RNF216: variants seen among roughly 807,000 people sequenced by gnomAD.
The protein encoded by RNF216 is ring finger protein 216.
A neutral mutation model predicts 110.8 loss-of-function variants in RNF216; 72 were observed. The ratio of observed to expected loss-of-function variants is 0.65; its 90% CI spans 0.54 to 0.79. The LOEUF is 0.79. Ranked by LOEUF, RNF216 falls within the 30% of genes least tolerant of loss-of-function variation. The pLI, the probability that RNF216 is intolerant of heterozygous loss-of-function variation, is 0.00. For missense variants in RNF216, 1,342 were observed against 1,141.2 expected (o/e 1.18, Z -2.54); for synonymous variants, 495 against 407.5 (o/e 1.21, Z -2.59).
chr7:5,674,722 A>G lies in RNF216; in HGVS notation c.2062-22212T>C, dbSNP rs142965082. 2.3e-4 allele frequency among the ~76,000 whole-genome samples: 35 copies of G among 152,288 alleles called. 1 individual carries two copies. In the East Asian group the frequency reaches 6.6e-3, roughly 29 times the overall value. ...ACACTCACTCATTTATAGTTGTGCAAAGCGGGGGGTCTTTAAAGCAAATGT... is the reference window on the plus strand; with the variant it reads ...ACACTCACTCATTTATAGTTGTGCAGAGCGGGGGGTCTTTAAAGCAAATGT... On this transcript the variant is annotated intron_variant, in intron 13 of 16. Transcript: ENST00000389902.
chr7:5,737,008 C>T (rs529007533), intron 5 of RNF216, among the ~76,000 whole-genome samples: 1 of 152,362 alleles, frequency 6.6e-6, no homozygotes, highest in South Asian at 2.1e-4. Context: ...CGGCCGCCAC[C>T]CCGTCTGGGA....
chr7:5,755,221 G>T (rs1333010500), intron 2 of RNF216, among the ~76,000 whole-genome samples: 1 of 97,562 alleles, frequency 1.0e-5, no homozygotes, highest in Non-Finnish European at 2.1e-5. Context: ...AAGAAAGGAA[G>T]GAAGGGAGGG....
intron 13 of RNF216, among the ~76,000 whole-genome samples, chr7:5,701,286 A>G (rs1791952403): frequency 6.6e-6 from 1 of 152,208 alleles, no homozygotes; most frequent in Non-Finnish European, 1.5e-5. Context: ...GGTAGAAATG[A>G]GTTGAGTGGT....
At chr7:5,745,903 A>AAG (rs1356993441) in intron 3 of RNF216, among the ~76,000 whole-genome samples, 1 of 151,452 alleles carries the variant, frequency 6.6e-6, no homozygotes, top group East Asian at 1.9e-4. Flanking sequence ...TAAAAAAAAA[A>AAG]AAAAAAAAAG....
intron 13 of RNF216, among the ~76,000 whole-genome samples, chr7:5,675,899 G>C (rs1418831591): frequency 1.3e-5 from 2 of 151,964 alleles, no homozygotes; most frequent in African/African-American, 2.4e-5. Context: ...AGTAGAGACG[G>C]GGTTTCTCTA....
At position 5,624,217 on chromosome 7, in the gene RNF216, C is replaced by A. The variant is rs955213992; in HGVS notation, c.2383-92G>T. On this transcript the variant is annotated intron_variant, in intron 15 of 16. Transcript: ENST00000389902. The surrounding 1 kb of genome is among the most constrained non-coding windows in gnomAD (Gnocchi z 4.4). ...TGAGGAGGCCGCTTGTTGCTTATGG[C>A]CATGGAACAAGCCCGAAGCCTGCTG... 31 of 1,073,512 alleles carry A rather than the reference C, an allele frequency of 2.9e-5. No individual in the cohort carries two copies. Among genetic ancestry groups the A allele is most frequent in the Admixed American group, 1.8e-4 (9 of 49,746 alleles). 66.5% of individuals were successfully genotyped at this position (1,073,512 alleles called of 1,614,324 possible).
At chr7:5,729,389 T>C (rs368607128) in intron 7 of RNF216, 43 bp downstream of exon 7, 239 of 1,585,836 alleles carry the variant, frequency 1.5e-4, no homozygotes, top group Non-Finnish European at 1.8e-4. Context: ...TGGGAAGATG[T>C]AGTCAAGAGG....
intron 13 of RNF216, among the ~76,000 whole-genome samples, chr7:5,682,074 C>T (rs1005642845): frequency 6.6e-6 from 1 of 152,228 alleles, no homozygotes; most frequent in Non-Finnish European, 1.5e-5. Context: ...TGGAGAAATG[C>T]TTGCAGACCT....
At chr7:5,777,064 C>A (rs1461595866) in intron 1 of RNF216, among the ~76,000 whole-genome samples, 1 of 152,088 alleles carries the variant, frequency 6.6e-6, no homozygotes, top group Non-Finnish European at 1.5e-5. Context: ...AGTCTGAATA[C>A]CCTGCTGAGA....
chr7:5,678,566 A>T (rs1013605119), intron 13 of RNF216, among the ~76,000 whole-genome samples: 2 of 152,172 alleles, frequency 1.3e-5, no homozygotes, highest in African/African-American at 4.8e-5. Flanking sequence ...CAGGTGAGTG[A>T]CCTCACCTCT....
rs71004698 is a variant in RNF216, at chr7:5,740,104, C to CTTTT, written c.1045-756_1045-753dup. Among the ~76,000 whole-genome samples the CTTTT allele has an allele frequency of 1.4e-4, 16 of 118,486 alleles. 1 individual carries two copies. The highest frequency in any genetic ancestry group is 3.4e-4 in the African/African-American group (10 of 29,098). The allele number at this position is 118,486 out of a possible 152,430, so 77.7% of individuals were successfully genotyped here. ...AAATAGTGGCTACCAGATGTAACAC[C>CTTTT]TTTTTTTTTTTTTTTTTTTTTTTTT... On this transcript the variant is annotated intron_variant, in intron 4 of 16. Coordinates refer to ENST00000389902, the MANE Select transcript of RNF216 (RefSeq NM_207111.4).
rs77494854 is a variant in RNF216, at chr7:5,711,716, A to C, written c.2061+45T>G. 24 of 1,523,904 alleles carry C rather than the reference A, an allele frequency of 1.6e-5. No individual in the cohort carries two copies. The East Asian group carries it at 5.2e-4, about 33-fold the overall frequency. 94.4% of individuals were successfully genotyped at this position (1,523,904 alleles called of 1,614,324 possible). A position where few individuals can be genotyped will look rare whatever the true frequency, so the allele number is the denominator to read the frequency against. On this transcript the variant is annotated intron_variant, in intron 13 of 16. Transcript: ENST00000389902. ...ATTTGGGCCATGAGGGCAGCCCATA[A>C]TACCATAATTCAATATACATCTAGA...
At chr7:5,750,781 A>G (rs539431271) in intron 3 of RNF216, among the ~76,000 whole-genome samples, 3 of 152,354 alleles carry the variant, frequency 2.0e-5, no homozygotes, top group Middle Eastern at 3.4e-3. Flanking sequence ...TATGCCTCTC[A>G]CGTGGCAGGA....
chr7:5,637,957 T>C (rs962822794), intron 15 of RNF216, among the ~76,000 whole-genome samples: 1 of 152,238 alleles, frequency 6.6e-6, no homozygotes, highest in Non-Finnish European at 1.5e-5. Flanking sequence ...GTGATTCTTG[T>C]GCCTCAGGCT....
chr7:5,725,895 C>A (rs572345759), intron 7 of RNF216, among the ~76,000 whole-genome samples: 1 of 149,578 alleles, frequency 6.7e-6, no homozygotes, highest in Non-Finnish European at 1.5e-5. Flanking sequence ...GGCAGCATTT[C>A]TTTATTTTCA....
intron 16 of RNF216, among the ~76,000 whole-genome samples, chr7:5,623,508 C>T (rs929885930): frequency 1.5e-4 from 22 of 151,704 alleles, no homozygotes; most frequent in Non-Finnish European, 2.8e-4. Flanking sequence ...CCATGTTGCC[C>T]GGGCTGGTCT....
chr7:5,665,512 G>A (rs979223611), intron 13 of RNF216, among the ~76,000 whole-genome samples: 11 of 152,130 alleles, frequency 7.2e-5, no homozygotes, highest in Non-Finnish European at 1.5e-4. Context: ...AGGATTAGGT[G>A]ACAAATTGGA....
intron 13 of RNF216, among the ~76,000 whole-genome samples, chr7:5,664,918 T>C (rs2128589274): frequency 6.6e-6 from 1 of 152,298 alleles, no homozygotes; most frequent in African/African-American, 2.4e-5. Context: ...TGCCACAGCC[T>C]CCCAAGTAGC....
At chr7:5,687,672 G>T (rs960139942) in intron 13 of RNF216, among the ~76,000 whole-genome samples, 2 of 152,174 alleles carry the variant, frequency 1.3e-5, no homozygotes, top group Non-Finnish European at 2.9e-5. Flanking sequence ...GAGAAATTAA[G>T]TGCCCCCAAA....
Sources: allele counts gnomAD v4.1 joint callset (sites outside exome capture counted in the v4.1 genomes callset), GRCh38; gene constraint gnomAD v4.1.1; non-coding constraint Gnocchi (gnomAD v3.1); transcripts MANE v1.5; gene names NCBI Gene and HGNC (gene_info 2026-07-23, HGNC 2026-07-21).